MEI4: variants seen among roughly 807,000 people sequenced by gnomAD.
MEI4 encodes meiosis-specific protein MEI4.
Under a neutral mutation model 31.4 loss-of-function variants are expected in MEI4, and 27 were observed. The observed-to-expected ratio is 0.86, with a 90% CI of 0.63 to 1.19. The LOEUF (loss-of-function observed/expected upper bound fraction) is 1.19. Ranked by LOEUF, MEI4 falls within the 50% of genes most tolerant of loss-of-function variation. The pLI is 0.00. For synonymous variants in MEI4, 122 were observed against 145.4 expected (o/e 0.84, Z 1.16); for missense variants, 329 against 398.9 (o/e 0.82, Z 1.49).
chr6:77,733,592 T>G (rs1767082387), intron 2 of MEI4, among the ~76,000 whole-genome samples: 1 of 152,032 alleles, frequency 6.6e-6, no homozygotes, highest in South Asian at 2.1e-4. Context: ...CTGGATTGAT[T>G]AATTTTTTGA....
chr6:77,749,314 C>A (rs1287818228), intron 2 of MEI4, among the ~76,000 whole-genome samples: 5 of 151,964 alleles, frequency 3.3e-5, no homozygotes, highest in African/African-American at 1.2e-4. Context: ...GGGTAATAAA[C>A]TCCTCCAAGC....
At chr6:77,751,097 C>A (rs1285840041) in intron 2 of MEI4, among the ~76,000 whole-genome samples, 2 of 152,126 alleles carry the variant, frequency 1.3e-5, no homozygotes, top group Non-Finnish European at 2.9e-5. Context: ...GTGCCAGAAT[C>A]TCTGAGACAC....
intron 4 of MEI4, among the ~76,000 whole-genome samples, chr6:77,871,518 G>T (rs1771191068): frequency 6.6e-6 from 1 of 151,988 alleles, no homozygotes; most frequent in African/African-American, 2.4e-5. Flanking sequence ...ACATACAGAT[G>T]GGAATAACAG....
At chr6:77,822,183 G>A (rs9343672) in intron 3 of MEI4, among the ~76,000 whole-genome samples, 22,661 of 152,026 alleles carry the variant, frequency 0.15, 2,052 homozygotes, top group East Asian at 0.39. Context: ...ATCAAATTCT[G>A]GAAATAAGGC....
intron 1 of MEI4, among the ~76,000 whole-genome samples, chr6:77,662,892 T>G (rs1190582882): frequency 6.6e-6 from 1 of 152,072 alleles, no homozygotes; most frequent in Non-Finnish European, 1.5e-5. Flanking sequence ...TTGGGCTTGA[T>G]TGAAGTAATG....
chr6:77,691,557 G>A (rs1769158068), intron 2 of MEI4, among the ~76,000 whole-genome samples: 1 of 151,996 alleles, frequency 6.6e-6, no homozygotes, highest in African/African-American at 2.4e-5. Flanking sequence ...TCAGAATACT[G>A]CCATCATTAC....
At chr6:77,895,022 C>T (rs1581959174) in intron 4 of MEI4, among the ~76,000 whole-genome samples, 2 of 152,118 alleles carry the variant, frequency 1.3e-5, no homozygotes, top group African/African-American at 4.8e-5. Flanking sequence ...TCAATATATA[C>T]CATATGTTTC....
intron 3 of MEI4, among the ~76,000 whole-genome samples, chr6:77,776,167 GTT>G (rs1768436171): frequency 2.0e-5 from 2 of 97,824 alleles, no homozygotes; most frequent in African/African-American, 9.0e-5. Context: ...TTTTTTTTTT[GTT>G]TTTGTTTTTG....
rs192701421 is a variant in MEI4, at chr6:77,710,704, A to G, written c.232+19801A>G. 1.4e-3 allele frequency among the ~76,000 whole-genome samples: 213 copies of G among 152,252 alleles called. 1 individual carries two copies. Among genetic ancestry groups the G allele is most frequent in the African/African-American group, 4.5e-3 (187 of 41,538 alleles). On this transcript the variant is annotated intron_variant, in intron 2 of 4. Coordinates refer to ENST00000684080, the MANE Select transcript of MEI4 (RefSeq NM_001322247.2). Reference sequence around the variant, plus strand: ...CAGTGACTCTCAACCCTAGCTCTGCATTACAATCATTTGGGGAGCTGTTAA... The same window carrying G: ...CAGTGACTCTCAACCCTAGCTCTGCGTTACAATCATTTGGGGAGCTGTTAA...
intron 2 of MEI4, among the ~76,000 whole-genome samples, chr6:77,711,237 A>T (rs1348857835): frequency 6.6e-6 from 1 of 152,190 alleles, no homozygotes; most frequent in Non-Finnish European, 1.5e-5. Flanking sequence ...GTAGATACTG[A>T]ATAGTCTTAC....
intron 3 of MEI4, among the ~76,000 whole-genome samples, chr6:77,797,672 A>G (rs567696234): frequency 6.6e-6 from 1 of 152,288 alleles, no homozygotes; most frequent in East Asian, 1.9e-4. Flanking sequence ...GGAACAATGG[A>G]TGGAAGCATC....
intron 3 of MEI4, among the ~76,000 whole-genome samples, chr6:77,783,824 C>CTACA (rs1317882538): frequency 4.6e-5 from 7 of 152,026 alleles, no homozygotes; most frequent in South Asian, 2.1e-4. Context: ...GTAATTCATG[C>CTACA]TACATTTAAA....
At chr6:77,807,150 T>G in intron 3 of MEI4, among the ~76,000 whole-genome samples, 1 of 149,516 alleles carries the variant, frequency 6.7e-6, no homozygotes, top group East Asian at 1.9e-4. Flanking sequence ...TTCATAAGTT[T>G]TTTTTTTTTT....
chr6:77,751,823 T>A (rs1374488000), intron 2 of MEI4, among the ~76,000 whole-genome samples: 2 of 151,944 alleles, frequency 1.3e-5, no homozygotes, highest in African/African-American at 4.8e-5. Flanking sequence ...AAAAAGAAAA[T>A]TTCAGGCCAA....
intron 2 of MEI4, among the ~76,000 whole-genome samples, chr6:77,755,430 T>C (rs1767889814): frequency 6.6e-6 from 1 of 152,052 alleles, no homozygotes. Context: ...ATACTTTTTT[T>C]TTTTCTAAGA....
intron 3 of MEI4, among the ~76,000 whole-genome samples, chr6:77,800,647 T>C (rs1324152522): frequency 6.6e-6 from 1 of 152,208 alleles, no homozygotes; most frequent in Non-Finnish European, 1.5e-5. Flanking sequence ...ATAGCTCTTA[T>C]TATTTTGAGG....
chr6:77,855,399 T>C (rs941148966), intron 4 of MEI4, among the ~76,000 whole-genome samples: 1 of 151,958 alleles, frequency 6.6e-6, no homozygotes, highest in African/African-American at 2.4e-5. Context: ...CTATGGAAGA[T>C]CTATTACTTT....
At chr6:77,906,105 G>T (rs917465204) in intron 4 of MEI4, among the ~76,000 whole-genome samples, 2 of 151,772 alleles carry the variant, frequency 1.3e-5, no homozygotes, top group African/African-American at 4.8e-5. Flanking sequence ...AACTAATTCT[G>T]TGTATTTTCT....
chr6:77,705,583 T>A (rs777319978), intron 2 of MEI4, among the ~76,000 whole-genome samples: 5 of 152,106 alleles, frequency 3.3e-5, no homozygotes, highest in Non-Finnish European at 7.4e-5. Context: ...ATAAAAGTGG[T>A]ACAAAACCAG....
Sources: allele counts gnomAD v4.1 joint callset (sites outside exome capture counted in the v4.1 genomes callset), GRCh38; gene constraint gnomAD v4.1.1; transcripts MANE v1.5; gene names NCBI Gene and HGNC (gene_info 2026-07-23, HGNC 2026-07-21).